DTL: variants seen among roughly 807,000 people sequenced by gnomAD.
The protein encoded by DTL is denticleless protein homolog.
Under a neutral mutation model 87.0 loss-of-function variants are expected in DTL, and 46 were observed. The observed-to-expected ratio is 0.53, with a 90% CI of 0.42 to 0.68. The LOEUF (loss-of-function observed/expected upper bound fraction) is 0.68, where lower values mean the gene tolerates loss of function less well. Ranked by LOEUF, DTL falls within the 30% of genes least tolerant of loss-of-function variation. DTL has a pLI of 0.00. For synonymous variants in DTL, 308 were observed against 311.2 expected (o/e 0.99, Z 0.11); for missense variants, 737 against 869.4 (o/e 0.85, Z 1.91).
At chr1:212,072,839 C>G (rs1407161034) in intron 11 of DTL, among the ~76,000 whole-genome samples, 2 of 150,220 alleles carry the variant, frequency 1.3e-5, no homozygotes, top group Non-Finnish European at 1.5e-5. Flanking sequence ...TCTTGGCTCA[C>G]TGCAAGCTCC....
In DTL at chr1:212,035,832, C is replaced by A; in HGVS notation, c.-59C>A. The A allele has an allele frequency of 6.5e-7, 1 of 1,546,820 alleles. No homozygotes were observed. Among genetic ancestry groups the A allele is most frequent in the Non-Finnish European group, 8.9e-7 (1 of 1,119,446 alleles). On this transcript the variant is annotated 5_prime_UTR_variant, in exon 1 of 15. The change creates a new upstream start codon in the 5' untranslated region. Transcript: ENST00000366991. ...TGAGAGGCGCAAGCTGCGATTTCTG[C>A]TGAACTTGGAGGCATTTCTACGACT...
intron 13 of DTL, among the ~76,000 whole-genome samples, chr1:212,097,820 GT>G (rs1655494581): frequency 6.6e-6 from 1 of 152,088 alleles, no homozygotes; most frequent in Admixed American, 6.5e-5. Context: ...TACCTGAATT[GT>G]TTTTCTGGTT....
At chr1:212,053,205 T>C (rs886708353) in intron 5 of DTL, among the ~76,000 whole-genome samples, 1 of 152,210 alleles carries the variant, frequency 6.6e-6, no homozygotes, top group Non-Finnish European at 1.5e-5. Flanking sequence ...TTCTCCAGCC[T>C]GTTCTTAGGC....
intron 5 of DTL, among the ~76,000 whole-genome samples, chr1:212,050,789 A>C (rs561558113): frequency 6.6e-6 from 1 of 151,996 alleles, no homozygotes; most frequent in South Asian, 2.1e-4. Context: ...ACTGTTTCAT[A>C]TTTTCCATCT....
intron 13 of DTL, among the ~76,000 whole-genome samples, chr1:212,091,455 A>G (rs1019645489): frequency 6.6e-6 from 1 of 152,218 alleles, no homozygotes; most frequent in African/African-American, 2.4e-5. Context: ...TTGGGTATAT[A>G]TCAAAAAAAG....
At chr1:212,060,884 G>A (rs1435170173) in intron 5 of DTL, among the ~76,000 whole-genome samples, 2 of 152,088 alleles carry the variant, frequency 1.3e-5, no homozygotes, top group Admixed American at 6.5e-5. Context: ...CAAAAGCACA[G>A]ACAACAAGAA....
intron 12 of DTL, 30 bp from the exon 13 acceptor site, chr1:212,080,585 C>G: frequency 6.3e-7 from 1 of 1,591,680 alleles, no homozygotes; most frequent in South Asian, 1.1e-5. Flanking sequence ...ATTGAAATTT[C>G]TTAATTCCCT....
Position 212,073,211 on chromosome 1 carries a change from CT to C in DTL, c.1035+999del, listed in dbSNP as rs1654729062. Among the ~76,000 whole-genome samples the C allele has an allele frequency of 3.9e-5, 6 of 152,242 alleles. No homozygotes were observed. In the South Asian group the frequency reaches 1.2e-3, roughly 32 times the overall value. On this transcript the variant is annotated intron_variant, in intron 11 of 14. Transcript: ENST00000366991. ...GCACTTGCTTATTACTGAAAAATGT[CT>C]CTTGAAGGAATAATTAATTATGGAA...
Position 212,037,160 on chromosome 1 carries a change from A to G in DTL, c.52+1218A>G, listed in dbSNP as rs1484924519. Among the ~76,000 whole-genome samples the G allele has an allele frequency of 2.6e-5, 4 of 152,226 alleles. No homozygotes were observed. In the East Asian group the frequency reaches 7.7e-4, roughly 29 times the overall value. On this transcript the variant is annotated intron_variant, in intron 1 of 14. Coordinates refer to ENST00000366991, the MANE Select transcript of DTL (RefSeq NM_016448.4). ...TGCCTGGGTTTTATTATACTTCCAC[A>G]CCTTACTATATGTGTGTTCTGGGGG...
chr1:212,040,993 G>C (rs1667622604), intron 1 of DTL, among the ~76,000 whole-genome samples: 1 of 152,242 alleles, frequency 6.6e-6, no homozygotes, highest in Admixed American at 6.5e-5. Context: ...TCTGGAAATT[G>C]AGTCTCTGAA....
chr1:212,080,040 T>G (rs760651966), intron 12 of DTL, among the ~76,000 whole-genome samples: 1 of 152,190 alleles, frequency 6.6e-6, no homozygotes, highest in African/African-American at 2.4e-5. Flanking sequence ...AAAGGTTATT[T>G]TTTAACTTCT....
At chr1:212,050,086 G>A (rs1343648030) in intron 5 of DTL, among the ~76,000 whole-genome samples, 4 of 152,058 alleles carry the variant, frequency 2.6e-5, no homozygotes, top group South Asian at 2.1e-4. Context: ...TGGGAGGATC[G>A]CTTGAGCCCA....
intron 13 of DTL, among the ~76,000 whole-genome samples, chr1:212,093,589 A>C (rs186739350): frequency 6.6e-6 from 1 of 152,178 alleles, no homozygotes; most frequent in African/African-American, 2.4e-5. Context: ...AAACTGCATC[A>C]TTCCACCGGT....
At chr1:212,066,372 G>A (rs1329344676) in intron 7 of DTL, among the ~76,000 whole-genome samples, 2 of 152,094 alleles carry the variant, frequency 1.3e-5, no homozygotes, top group East Asian at 1.9e-4. Context: ...TAGGAGGTAC[G>A]ACTCCACTGG....
intron 12 of DTL, among the ~76,000 whole-genome samples, chr1:212,080,122 G>A (rs1177981718): frequency 6.6e-6 from 1 of 152,172 alleles, no homozygotes; most frequent in Non-Finnish European, 1.5e-5. Flanking sequence ...CAAAAGGAAT[G>A]GTTTCCTTCT....
intron 13 of DTL, among the ~76,000 whole-genome samples, chr1:212,099,000 C>T (rs2102587256): frequency 6.6e-6 from 1 of 152,344 alleles, no homozygotes; most frequent in Admixed American, 6.5e-5. Context: ...TCCCTATGGT[C>T]CTTCCCCAAT....
intron 5 of DTL, among the ~76,000 whole-genome samples, chr1:212,055,847 A>C (rs76595725): frequency 0.058 from 8,755 of 152,196 alleles, 280 homozygotes; most frequent in Non-Finnish European, 0.074. Flanking sequence ...CTACCCAAGC[A>C]CACCCTCTGG....
At chr1:212,054,543 CA>C (rs1189731529) in intron 5 of DTL, among the ~76,000 whole-genome samples, 1 of 151,886 alleles carries the variant, frequency 6.6e-6, no homozygotes, top group Admixed American at 6.6e-5. Flanking sequence ...CCTGTAATCC[CA>C]GCACTTTGCA....
chr1:212,077,353 TATG>T (rs1654860920), intron 11 of DTL, among the ~76,000 whole-genome samples: 1 of 152,126 alleles, frequency 6.6e-6, no homozygotes, highest in Non-Finnish European at 1.5e-5. Context: ...GATGGAAAAA[TATG>T]ATTCTTAGTC....
Sources: gnomAD v4.1 joint callset for allele counts (sites outside exome capture counted in the v4.1 genomes callset) on GRCh38, gnomAD v4.1.1 for gene constraint, MANE v1.5 for transcripts, NCBI Gene and HGNC (gene_info 2026-07-23, HGNC 2026-07-21) for gene names.